The following KCNAB1 variants were observed in gnomAD, a reference collection of about 807,000 sequenced individuals.
The protein encoded by KCNAB1 is potassium voltage-gated channel subfamily A regulatory beta subunit 1.
A neutral mutation model predicts 64.6 loss-of-function variants in KCNAB1; 35 were observed. The observed-to-expected ratio is 0.54, with a 90% CI of 0.41 to 0.72. KCNAB1 has a LOEUF of 0.72. Ranked by LOEUF, KCNAB1 falls within the 30% of genes least tolerant of loss-of-function variation. The probability of loss-of-function intolerance (pLI) is 0.00; values close to 1 mark genes in which losing one functional copy is unlikely to be tolerated. For synonymous variants in KCNAB1, 177 were observed against 183.8 expected (o/e 0.96, Z 0.30); for missense variants, 401 against 512.9 (o/e 0.78, Z 2.11).
At chr3:156,157,031 A>G (rs1291729636) in intron 1 of KCNAB1, among the ~76,000 whole-genome samples, 1 of 152,186 alleles carries the variant, frequency 6.6e-6, no homozygotes, top group African/African-American at 2.4e-5. Context: ...GAGAGACAAG[A>G]TAGTGGGGTG....
chr3:156,130,570 T>C lies in KCNAB1; in HGVS notation c.275+9684T>C, dbSNP rs189925497. Reference sequence around the variant, plus strand: ...AATGATCCTGCCCAATGTTAGCCAGTTAAGCATGTGATAAAGCCAGTACTT... The same window carrying C: ...AATGATCCTGCCCAATGTTAGCCAGCTAAGCATGTGATAAAGCCAGTACTT... On this transcript the variant is annotated intron_variant, in intron 1 of 13. Transcript: ENST00000490337. Among the ~76,000 whole-genome samples the C allele has an allele frequency of 4.8e-3, 738 of 152,356 alleles. 8 individuals carry two copies. Among genetic ancestry groups the C allele is most frequent in the Non-Finnish European group, 4.7e-3 (317 of 68,034 alleles).
intron 1 of KCNAB1, among the ~76,000 whole-genome samples, chr3:156,238,983 A>G (rs1003369448): frequency 6.6e-6 from 1 of 152,170 alleles, no homozygotes; most frequent in African/African-American, 2.4e-5. Flanking sequence ...AAGTTTCGAC[A>G]CCTTTGGGGA....
At chr3:156,284,625 T>G (rs1719977682) in intron 1 of KCNAB1, among the ~76,000 whole-genome samples, 1 of 152,204 alleles carries the variant, frequency 6.6e-6, no homozygotes, top group Admixed American at 6.5e-5. Flanking sequence ...CGAGACTCCG[T>G]GGGCATAGGA....
chr3:156,134,555 A>C (rs962946049), intron 1 of KCNAB1, among the ~76,000 whole-genome samples: 1 of 152,222 alleles, frequency 6.6e-6, no homozygotes. Flanking sequence ...TTATCTGGAA[A>C]GGTTTCTAAA....
intron 1 of KCNAB1, among the ~76,000 whole-genome samples, chr3:156,421,241 T>C (rs1715446472): frequency 6.6e-6 from 1 of 152,176 alleles, no homozygotes; most frequent in Admixed American, 6.5e-5. Flanking sequence ...TAGTGAGAAG[T>C]GGTCAGTTGA....
Position 156,538,118 on chromosome 3 carries a change from T to TATC in KCNAB1, c.*1372_*1374dup, listed in dbSNP as rs776953611. 2.0e-5 allele frequency: 3 copies of TATC among 150,174 alleles called. No homozygotes were observed. The highest frequency in any genetic ancestry group is 2.9e-5 in the Non-Finnish European group (2 of 67,800). The allele number at this position is 150,174 out of a possible 1,614,324, so 9.3% of individuals were successfully genotyped here. ...AAATTGTGAGACTATACTGTGTCAA[T>TATC]ATCTGTAAAAAGAGAGAAAACATGT... On this transcript the variant is annotated 3_prime_UTR_variant, in exon 14 of 14. Coordinates refer to ENST00000490337, the MANE Select transcript of KCNAB1 (RefSeq NM_172160.3).
intron 8 of KCNAB1, among the ~76,000 whole-genome samples, chr3:156,481,701 A>G (rs372306249): frequency 3.3e-5 from 5 of 152,216 alleles, no homozygotes; most frequent in East Asian, 1.9e-4. Context: ...CATTGGAACA[A>G]TATTTCTGCA....
intron 8 of KCNAB1, among the ~76,000 whole-genome samples, chr3:156,478,828 A>G (rs1270970988): frequency 6.6e-5 from 10 of 152,166 alleles, no homozygotes; most frequent in Admixed American, 4.6e-4. Flanking sequence ...CATATATCTA[A>G]TTAGTTTTTT....
chr3:156,365,408 C>T (rs185076797), intron 1 of KCNAB1, among the ~76,000 whole-genome samples: 1 of 152,288 alleles, frequency 6.6e-6, no homozygotes, highest in Admixed American at 6.5e-5. Context: ...TTCCTCTTGA[C>T]TAAGGAGAAT....
chr3:156,251,444 T>C (rs565596614), intron 1 of KCNAB1, among the ~76,000 whole-genome samples: 1 of 152,240 alleles, frequency 6.6e-6, no homozygotes, highest in Admixed American at 6.5e-5. Flanking sequence ...CAGACAAATA[T>C]ATGACAAGTG....
chr3:156,459,715 T>C (rs1712748261), intron 4 of KCNAB1, 112 bp from the exon 5 acceptor site: 1 of 707,878 alleles, frequency 1.4e-6, no homozygotes, highest in African/African-American at 1.9e-5. Flanking sequence ...GCTTCTATTT[T>C]CGGGATATGT....
intron 1 of KCNAB1, among the ~76,000 whole-genome samples, chr3:156,229,200 A>G (rs1716368350): frequency 6.6e-6 from 1 of 152,208 alleles, no homozygotes; most frequent in Non-Finnish European, 1.5e-5. Flanking sequence ...TGTAAAGAAA[A>G]GAGGTTTAAT....
intron 8 of KCNAB1, among the ~76,000 whole-genome samples, chr3:156,498,842 G>A (rs1716186351): frequency 6.6e-6 from 1 of 152,228 alleles, no homozygotes; most frequent in African/African-American, 2.4e-5. Context: ...TTAAACAAGT[G>A]GAATCAAGAT....
chr3:156,333,569 G>GCA (rs140343721), intron 1 of KCNAB1, among the ~76,000 whole-genome samples: 1 of 150,854 alleles, frequency 6.6e-6, no homozygotes, highest in African/African-American at 2.4e-5. Context: ...GTTCTTTTCT[G>GCA]CACACACACA....
intron 1 of KCNAB1, among the ~76,000 whole-genome samples, chr3:156,294,652 G>A (rs1720668030): frequency 6.6e-6 from 1 of 152,136 alleles, no homozygotes; most frequent in African/African-American, 2.4e-5. Flanking sequence ...CCATAGAATA[G>A]GGAAGATAAT....
chr3:156,355,561 T>A (rs947619809), intron 1 of KCNAB1, among the ~76,000 whole-genome samples: 3 of 152,174 alleles, frequency 2.0e-5, no homozygotes, highest in African/African-American at 7.2e-5. Context: ...GGTTTTTTTT[T>A]AAGTACAAAG....
At chr3:156,180,813 A>C (rs769820332) in intron 1 of KCNAB1, among the ~76,000 whole-genome samples, 5 of 152,196 alleles carry the variant, frequency 3.3e-5, no homozygotes, top group Non-Finnish European at 5.9e-5. Flanking sequence ...GGAGAACAGA[A>C]ATGTCACATG....
chr3:156,290,610 C>T (rs2107966597), intron 1 of KCNAB1, among the ~76,000 whole-genome samples: 1 of 152,342 alleles, frequency 6.6e-6, no homozygotes, highest in African/African-American at 2.4e-5. Flanking sequence ...CTACTGCCCA[C>T]CTGACCTGGA....
At chr3:156,136,794 A>G (rs1714370652) in intron 1 of KCNAB1, among the ~76,000 whole-genome samples, 1 of 152,222 alleles carries the variant, frequency 6.6e-6, no homozygotes, top group Admixed American at 6.5e-5. Flanking sequence ...ACATTTTGGC[A>G]TCTTTTGGGA....
Sources: gnomAD v4.1 joint callset for allele counts (sites outside exome capture counted in the v4.1 genomes callset) on GRCh38, gnomAD v4.1.1 for gene constraint, MANE v1.5 for transcripts, NCBI Gene and HGNC (gene_info 2026-07-23, HGNC 2026-07-21) for gene names.